COL25A1: variants seen among roughly 807,000 people sequenced by gnomAD.
COL25A1 encodes the protein collagen type XXV alpha 1 chain, also known as collagen alpha-1(XXV) chain.
Under a neutral mutation model 128.4 loss-of-function variants are expected in COL25A1, and 103 were observed. The ratio of observed to expected loss-of-function variants is 0.80; its 90% CI spans 0.68 to 0.94. The LOEUF is 0.94. COL25A1 is among the 40% of genes least tolerant of loss of function. The probability of loss-of-function intolerance (pLI) is 0.00; values close to 1 mark genes in which losing one functional copy is unlikely to be tolerated. For synonymous variants in COL25A1, 279 were observed against 277.2 expected (o/e 1.01, Z -0.06); for missense variants, 745 against 840.0 (o/e 0.89, Z 1.40).
chr4:109,229,152 C>T (rs777585624), intron 3 of COL25A1, among the ~76,000 whole-genome samples: 5 of 149,584 alleles, frequency 3.3e-5, no homozygotes, highest in Non-Finnish European at 7.4e-5. Context: ...CCCCTCTCCC[C>T]TAAAAAAATT....
chr4:108,964,654 C>T (rs1214472334), intron 8 of COL25A1, among the ~76,000 whole-genome samples: 3 of 152,018 alleles, frequency 2.0e-5, no homozygotes, highest in Non-Finnish European at 4.4e-5. Context: ...ATATTGTCAA[C>T]ACATCTACCA....
At chr4:109,001,500 C>G (rs188029179) in intron 6 of COL25A1, among the ~76,000 whole-genome samples, 1 of 25,876 alleles carries the variant, frequency 3.9e-5, no homozygotes, top group African/African-American at 7.6e-5. Flanking sequence ...ACTTGAATAC[C>G]TGTCAGTAAT....
intron 12 of COL25A1, 98 bp from the exon 13 acceptor site, chr4:108,918,314 T>C: frequency 5.1e-6 from 4 of 790,074 alleles, no homozygotes; most frequent in Non-Finnish European, 7.8e-6. Flanking sequence ...GCTAAAACAT[T>C]TCTAGGAAGT....
chr4:109,275,701 G>A (rs1196169905), intron 3 of COL25A1, among the ~76,000 whole-genome samples: 1 of 152,196 alleles, frequency 6.6e-6, no homozygotes, highest in Non-Finnish European at 1.5e-5. Flanking sequence ...AATATTCATA[G>A]AAACGACTAT....
chr4:109,181,636 A>C (rs1403106140), intron 3 of COL25A1, among the ~76,000 whole-genome samples: 1 of 152,122 alleles, frequency 6.6e-6, no homozygotes, highest in Non-Finnish European at 1.5e-5. Flanking sequence ...TGAAATGTGA[A>C]TATACTATGG....
intron 13 of COL25A1, among the ~76,000 whole-genome samples, chr4:108,915,489 C>T (rs1047334211): frequency 6.6e-6 from 1 of 152,176 alleles, no homozygotes; most frequent in African/African-American, 2.4e-5. Flanking sequence ...GCATGGGCCA[C>T]CTTTCCTGGC....
At chr4:109,194,413 G>A (rs990635039) in intron 3 of COL25A1, among the ~76,000 whole-genome samples, 6 of 152,122 alleles carry the variant, frequency 3.9e-5, no homozygotes, top group African/African-American at 1.2e-4. Flanking sequence ...TTTGGGAGAA[G>A]CCTAGTGTTA....
In COL25A1 at chr4:108,848,961, G is replaced by A. The variant is rs565862755; in HGVS notation, c.1390-158C>T. Among the ~76,000 whole-genome samples, 1,010 of 152,198 alleles carry A rather than the reference G, an allele frequency of 6.6e-3. 10 individuals carry two copies. The highest frequency in any genetic ancestry group is 0.023 in the African/African-American group (962 of 41,542). On this transcript the variant is annotated intron_variant, in intron 26 of 37. Coordinates refer to ENST00000399132, the MANE Select transcript of COL25A1 (RefSeq NM_198721.4). ...ATTATAGCACATATCTAAACTAAGG[G>A]AAGTAATAATCTTTCTTCAAGATTA...
At chr4:108,847,046 C>A (rs911262076) in intron 27 of COL25A1, among the ~76,000 whole-genome samples, 1 of 151,838 alleles carries the variant, frequency 6.6e-6, no homozygotes, top group African/African-American at 2.4e-5. Context: ...GCTGGGGCTA[C>A]AAGCATGCGC....
At chr4:108,852,099 T>C (rs1026824587) in intron 26 of COL25A1, 137 bp downstream of exon 26, 1 of 622,038 alleles carries the variant, frequency 1.6e-6, no homozygotes, top group African/African-American at 2.0e-5. Context: ...CAATTTCTTT[T>C]CTTCGCTCTC....
chr4:108,835,097 C>G (rs1345225785), intron 31 of COL25A1, among the ~76,000 whole-genome samples: 1 of 152,218 alleles, frequency 6.6e-6, no homozygotes, highest in Non-Finnish European at 1.5e-5. Context: ...ATCTTTGCAT[C>G]AAAGCCTGAT....
At chr4:108,969,865 T>C (rs952628054) in intron 8 of COL25A1, among the ~76,000 whole-genome samples, 2 of 151,814 alleles carry the variant, frequency 1.3e-5, no homozygotes, top group Non-Finnish European at 2.9e-5. Flanking sequence ...TCTCTTCCAA[T>C]TGTATTCTAT....
At chr4:108,873,241 C>T (rs1368134793) in intron 19 of COL25A1, among the ~76,000 whole-genome samples, 1 of 152,074 alleles carries the variant, frequency 6.6e-6, no homozygotes, top group Admixed American at 6.6e-5. Flanking sequence ...TCTACATAAA[C>T]AAAAGCTCTT....
chr4:109,218,356 G>GTTTTTTTTTTTTT (rs796441649), intron 3 of COL25A1, among the ~76,000 whole-genome samples: 10 of 100,474 alleles, frequency 1.0e-4, no homozygotes, highest in African/African-American at 4.1e-4. Flanking sequence ...GGTTTTTTGG[G>GTTTTTTTTTTTTT]GTTTTTTTTT....
intron 3 of COL25A1, among the ~76,000 whole-genome samples, chr4:109,209,661 A>G (rs180807388): frequency 6.6e-6 from 1 of 152,254 alleles, no homozygotes; most frequent in East Asian, 1.9e-4. Context: ...AATACAGACT[A>G]TTTCTACGTA....
intron 16 of COL25A1, among the ~76,000 whole-genome samples, chr4:108,893,368 C>G (rs1017142187): frequency 6.6e-6 from 1 of 152,138 alleles, no homozygotes; most frequent in African/African-American, 2.4e-5. Context: ...AAATCAATTT[C>G]TACATTTATT....
chr4:109,281,242 A>G (rs1011449120), intron 3 of COL25A1, among the ~76,000 whole-genome samples: 1 of 152,200 alleles, frequency 6.6e-6, no homozygotes, highest in Admixed American at 6.5e-5. Flanking sequence ...AAAGCTGATC[A>G]GGGAATTGCT....
chr4:109,211,236 G>GTATA (rs57777206), intron 3 of COL25A1, among the ~76,000 whole-genome samples: 11 of 130,934 alleles, frequency 8.4e-5, no homozygotes, highest in South Asian at 2.5e-4. Context: ...GTGTGTGTAT[G>GTATA]TATATATATG....
intron 20 of COL25A1, among the ~76,000 whole-genome samples, chr4:108,866,828 G>A (rs1298217372): frequency 6.6e-6 from 1 of 152,206 alleles, no homozygotes; most frequent in Non-Finnish European, 1.5e-5. Context: ...TACCGATGAT[G>A]TGTGTATATG....
Sources: gnomAD v4.1 joint callset for allele counts (sites outside exome capture counted in the v4.1 genomes callset) on GRCh38, gnomAD v4.1.1 for gene constraint, MANE v1.5 for transcripts, NCBI Gene and HGNC (gene_info 2026-07-23, HGNC 2026-07-21) for gene names.